The following PAQR8 variants were observed in gnomAD, a reference collection of about 807,000 sequenced individuals.
PAQR8 encodes membrane progestin receptor beta.
Under a neutral mutation model 25.2 loss-of-function variants are expected in PAQR8, and 17 were observed. The observed-to-expected ratio is 0.67, with a 90% CI of 0.46 to 1.01. The LOEUF is 1.01. Ranked by LOEUF, PAQR8 falls within the 50% of genes least tolerant of loss-of-function variation. PAQR8 has a pLI of 0.00. For synonymous variants in PAQR8, 204 were observed against 190.6 expected (o/e 1.07, Z -0.58); for missense variants, 392 against 448.4 (o/e 0.87, Z 1.14).
chr6:52,372,501 C>A (rs983898512), intron 1 of PAQR8, among the ~76,000 whole-genome samples: 1 of 152,084 alleles, frequency 6.6e-6, no homozygotes, highest in African/African-American at 2.4e-5. Flanking sequence ...TCTCTTGGCA[C>A]CTCTGTGACC....
Position 52,403,510 on chromosome 6 carries a change from T to C in PAQR8, c.297T>C (p.Ala99=), listed in dbSNP as rs748909597. ...TGCGATTCTGGGCCTTTGCCGAGGC[T>C]GAGGCCTTGCCATGGGCGTCTACCC... is the stretch of plus-strand genomic sequence containing the variant. ...VLLRFWAFAE[A]EALPWASTHS... Residue 99 remains alanine (A), a synonymous_variant, in exon 2 of 2, where the codon GCT becomes GCC. Coordinates refer to ENST00000442253, the MANE Select transcript of PAQR8 (RefSeq NM_133367.5). 1 of 1,614,104 alleles carries C rather than the reference T, an allele frequency of 6.2e-7. No homozygotes were observed. Among genetic ancestry groups the C allele is most frequent in the South Asian group, 1.1e-5 (1 of 91,090 alleles).
rs1581801339 is a variant in PAQR8, at chr6:52,407,462, A to C, written c.*3184A>C. On this transcript the variant is annotated 3_prime_UTR_variant, in exon 2 of 2. Transcript: ENST00000442253. Reference sequence around the variant, plus strand: ...GGAAGCTAGAAAGAAATAGGAATTTAAGTCCATAGAATGAAGGTAGTTATT... The same window carrying C: ...GGAAGCTAGAAAGAAATAGGAATTTCAGTCCATAGAATGAAGGTAGTTATT... 6.0e-6 allele frequency: 1 copy of C among 167,086 alleles called. No homozygotes were observed. 10.4% of individuals were successfully genotyped at this position (167,086 alleles called of 1,614,324 possible).
intron 1 of PAQR8, among the ~76,000 whole-genome samples, chr6:52,379,628 T>C (rs4715299): frequency 0.35 from 43,547 of 126,204 alleles, 7,974 homozygotes; most frequent in South Asian, 0.48. Flanking sequence ...TCTTTTTTTT[T>C]TTTTTTTTTT....
In PAQR8 at chr6:52,379,096, C is replaced by CAAA. The variant is rs70977347; in HGVS notation, c.-53+16867_-53+16869dup. ...TGAGTGACAAAGCAATACTCTTTATCAAAAAAAAAAAAAAAAAAAAAAGGA... is the reference window on the plus strand; with the variant it reads ...TGAGTGACAAAGCAATACTCTTTATCAAAAAAAAAAAAAAAAAAAAAAAAAGGA... On this transcript the variant is annotated intron_variant, in intron 1 of 1. Transcript: ENST00000442253. Among the ~76,000 whole-genome samples, 706 of 92,952 alleles carry CAAA rather than the reference C, an allele frequency of 7.6e-3. 7 individuals carry two copies. The highest frequency in any genetic ancestry group is 0.031 in the South Asian group (84 of 2,722). The allele number at this position is 92,952 out of a possible 152,430, so 61.0% of individuals were successfully genotyped here.
In PAQR8 at chr6:52,403,319, A is replaced by G; in HGVS notation, c.106A>G (p.Thr36Ala). ...GGATGGGCTTCCCAAGATGCCTTGCACTGTCCCAGAAACGGATGTGCCCCA... is the reference window on the plus strand; with the variant it reads ...GGATGGGCTTCCCAAGATGCCTTGCGCTGTCCCAGAAACGGATGTGCCCCA... ...LEDGLPKMPC[T>A]VPETDVPQLF... The change falls in exon 2 of 2, where the codon ACT (threonine) becomes GCT (alanine). Residue 36 changes from threonine (T) to alanine (A), a missense_variant. Physicochemically the swap from Thr to Ala is moderately conservative, Grantham distance 58 (BLOSUM62 0). Transcript: ENST00000442253. 1 of 1,614,158 alleles carries G rather than the reference A, an allele frequency of 6.2e-7. No homozygotes were observed. Among genetic ancestry groups the G allele is most frequent in the Non-Finnish European group, 8.5e-7 (1 of 1,180,020 alleles).
intron 1 of PAQR8, among the ~76,000 whole-genome samples, chr6:52,376,740 C>T (rs1240582882): frequency 6.6e-6 from 1 of 152,108 alleles, no homozygotes; most frequent in Non-Finnish European, 1.5e-5. Context: ...TACTGTTGTT[C>T]TTTATTTTCT....
intron 1 of PAQR8, among the ~76,000 whole-genome samples, chr6:52,400,148 A>G (rs1173216558): frequency 6.6e-6 from 1 of 152,032 alleles, no homozygotes; most frequent in African/African-American, 2.4e-5. Context: ...TAATTCCTAC[A>G]TTGAGCTTGA....
At chr6:52,383,702 T>C (rs1331589867) in intron 1 of PAQR8, among the ~76,000 whole-genome samples, 1 of 151,686 alleles carries the variant, frequency 6.6e-6, no homozygotes, top group African/African-American at 2.4e-5. Flanking sequence ...ACAGTACTTA[T>C]CCTTAATATA....
intron 1 of PAQR8, among the ~76,000 whole-genome samples, chr6:52,398,204 C>CTTTT (rs869285681): frequency 1.2e-5 from 1 of 85,818 alleles, no homozygotes; most frequent in African/African-American, 7.4e-5. Flanking sequence ...TTTCTTTTTT[C>CTTTT]TTTTTTTTTT....
At chr6:52,389,191 A>C (rs1017432035) in intron 1 of PAQR8, among the ~76,000 whole-genome samples, 1 of 152,216 alleles carries the variant, frequency 6.6e-6, no homozygotes, top group Non-Finnish European at 1.5e-5. Flanking sequence ...CCACACAAAT[A>C]AATAAGATCC....
intron 1 of PAQR8, among the ~76,000 whole-genome samples, chr6:52,367,337 C>T (rs1057281491): frequency 2.6e-5 from 4 of 152,176 alleles, no homozygotes; most frequent in Admixed American, 1.3e-4. Flanking sequence ...CCTGACACCA[C>T]CATTTCTTAA....
At chr6:52,364,759 A>G (rs924346619) in intron 1 of PAQR8, among the ~76,000 whole-genome samples, 1 of 152,196 alleles carries the variant, frequency 6.6e-6, no homozygotes, top group Admixed American at 6.5e-5. Flanking sequence ...AATTCTCTTG[A>G]AAGACTGGCA....
chr6:52,392,649 G>C (rs2113947240), intron 1 of PAQR8, among the ~76,000 whole-genome samples: 1 of 152,304 alleles, frequency 6.6e-6, no homozygotes, highest in Non-Finnish European at 1.5e-5. Context: ...CAGATTTAGT[G>C]ATCTCATTGT....
rs575109054 is a variant in PAQR8 at position 52,401,162 on chromosome 6, C to CT, written c.-52-1994dup. 4.1e-3 allele frequency among the ~76,000 whole-genome samples: 630 copies of CT among 152,312 alleles called. 7 individuals carry two copies. The highest frequency in any genetic ancestry group is 0.014 in the African/African-American group (591 of 41,570). ...ATTTTATTAATTTTCATGCCCTACACTTTTTTACCTGATTAGGTATTTTTT... is the reference window on the plus strand; with the variant it reads ...ATTTTATTAATTTTCATGCCCTACACTTTTTTTACCTGATTAGGTATTTTTT... On this transcript the variant is annotated intron_variant, in intron 1 of 1. Coordinates refer to ENST00000442253, the MANE Select transcript of PAQR8 (RefSeq NM_133367.5).
At chr6:52,366,892 G>C (rs1763359857) in intron 1 of PAQR8, among the ~76,000 whole-genome samples, 1 of 152,114 alleles carries the variant, frequency 6.6e-6, no homozygotes, top group Non-Finnish European at 1.5e-5. Flanking sequence ...TGGGATTGCA[G>C]GCGCGCACCA....
At chr6:52,385,410 A>C (rs1467710568) in intron 1 of PAQR8, among the ~76,000 whole-genome samples, 2 of 152,236 alleles carry the variant, frequency 1.3e-5, no homozygotes, top group African/African-American at 2.4e-5. Flanking sequence ...GCAGCATGAA[A>C]ATAGACTAAT....
At chr6:52,373,755 T>G (rs1763449300) in intron 1 of PAQR8, 1 of 149,658 alleles carries the variant, frequency 6.7e-6, no homozygotes. Context: ...TTTTTTTTCC[T>G]CAGATGTGTC....
chr6:52,390,462 A>T (rs930273968), intron 1 of PAQR8, among the ~76,000 whole-genome samples: 3 of 152,164 alleles, frequency 2.0e-5, no homozygotes, highest in Non-Finnish European at 4.4e-5. Context: ...AAAGATTCAT[A>T]AGTGGAGAGC....
chr6:52,371,534 A>T (rs11966224), intron 1 of PAQR8, among the ~76,000 whole-genome samples: 9,752 of 152,284 alleles, frequency 0.064, 434 homozygotes, highest in South Asian at 0.12. Context: ...ATCTCTGTGG[A>T]AAAGAAGATT....
Sources: gnomAD v4.1 joint callset for allele counts (sites outside exome capture counted in the v4.1 genomes callset) on GRCh38, gnomAD v4.1.1 for gene constraint, MANE v1.5 for transcripts, NCBI Gene and HGNC (gene_info 2026-07-23, HGNC 2026-07-21) for gene names.